Variants in ACSS2 observed in about 807,000 individuals in gnomAD.
ACSS2 encodes the protein acetyl-coenzyme A synthetase, cytoplasmic.
ACSS2 carries 58 observed loss-of-function variants against 90.6 expected under a neutral mutation model. That is an observed-to-expected ratio of 0.64 (90% CI 0.52 to 0.80). ACSS2 has a LOEUF of 0.80. ACSS2 is among the 30% of genes least tolerant of loss of function. The pLI is 0.00. For synonymous variants in ACSS2, 300 were observed against 330.9 expected (o/e 0.91, Z 1.01); for missense variants, 759 against 912.0 (o/e 0.83, Z 2.16).
At chr20:34,920,062 C>G (rs566076860) in intron 8 of ACSS2, among the ~76,000 whole-genome samples, 13 of 152,306 alleles carry the variant, frequency 8.5e-5, no homozygotes, top group African/African-American at 3.1e-4. Context: ...CACTCCACCC[C>G]TAAATTATCT....
chr20:34,894,237 C>T (rs13044142), intron 2 of ACSS2, among the ~76,000 whole-genome samples: 9,708 of 152,140 alleles, frequency 0.064, 413 homozygotes, highest in Admixed American at 0.097. Context: ...TGCCTGTAAT[C>T]CCAGAACTTT....
intron 2 of ACSS2, among the ~76,000 whole-genome samples, chr20:34,904,586 C>T (rs2080750921): frequency 6.6e-6 from 1 of 152,044 alleles, no homozygotes; most frequent in Admixed American, 6.5e-5. Flanking sequence ...ATCTGAACTA[C>T]CTAATGGTAG....
chr20:34,881,400 G>C (rs1437087111), intron 1 of ACSS2, among the ~76,000 whole-genome samples: 1 of 152,070 alleles, frequency 6.6e-6, no homozygotes, highest in African/African-American at 2.4e-5. Flanking sequence ...TGTTTTACCT[G>C]TTGAGTACAT....
intron 7 of ACSS2, chr20:34,915,394 C>A: frequency 1.1e-6 from 1 of 920,726 alleles, no homozygotes; most frequent in African/African-American, 1.6e-5. Context: ...AACTTGACAT[C>A]TAAGCCACTG....
In ACSS2 at chr20:34,920,997, A is replaced by C. The variant is rs750983718; in HGVS notation, c.1144-9A>C. ...GAAAGACTGGGAATGACCAGCCTTC[A>C]TGGGTCAGTTTGAGGGGATTCCCAC... On this transcript the variant is annotated splice_polypyrimidine_tract_variant and intron_variant, in intron 9 of 17. Transcript: ENST00000360596. 78 of 1,614,020 alleles carry C rather than the reference A, an allele frequency of 4.8e-5. No individual in the cohort carries two copies. The highest frequency in any genetic ancestry group is 6.6e-5 in the Non-Finnish European group (78 of 1,179,998).
chr20:34,922,764 A>G (rs2147102406), intron 13 of ACSS2: 1 of 155,032 alleles, frequency 6.5e-6, no homozygotes, highest in Admixed American at 6.3e-5. Flanking sequence ...TGTCCCTTCA[A>G]CCCCACCCCA....
intron 2 of ACSS2, among the ~76,000 whole-genome samples, chr20:34,895,676 A>G (rs756789914): frequency 6.6e-6 from 1 of 152,240 alleles, no homozygotes; most frequent in African/African-American, 2.4e-5. Context: ...GTTTGAGATA[A>G]GAGAGAGCTA....
intron 2 of ACSS2, among the ~76,000 whole-genome samples, chr20:34,891,461 A>G (rs747550057): frequency 7.5e-4 from 114 of 152,308 alleles, no homozygotes; most frequent in Non-Finnish European, 6.8e-4. Context: ...GATGGTAAGA[A>G]AGAGGGAGGA....
At chr20:34,877,270 C>A (rs1175186331) in intron 1 of ACSS2, among the ~76,000 whole-genome samples, 1 of 152,112 alleles carries the variant, frequency 6.6e-6, no homozygotes, top group East Asian at 1.9e-4. Flanking sequence ...TCAGCCACTG[C>A]CTCCTGAGAC....
chr20:34,927,873 TAA>T lies in ACSS2; in HGVS notation c.*660_*661del, dbSNP rs2081351899. On this transcript the variant is annotated 3_prime_UTR_variant, in exon 18 of 18. Transcript: ENST00000360596. This position sits in a 1 kb window ranked among gnomAD's most constrained non-coding sequence, Gnocchi z 4.2. ...CCTCCCCTGAACAGAACCCAGCCCA[TAA>T]GAGACATTCTCAGATGAAACTCTGT... 6.5e-6 allele frequency: 1 copy of T among 152,726 alleles called. No homozygotes were observed. The highest frequency in any genetic ancestry group is 1.5e-5 in the Non-Finnish European group (1 of 68,458). The allele number at this position is 152,726 out of a possible 1,614,324, so 9.5% of individuals were successfully genotyped here. A position where few individuals can be genotyped will look rare whatever the true frequency, so the allele number is the denominator to read the frequency against.
rs181132282 is a variant in ACSS2 at position 34,899,194 on chromosome 20, C to T, written c.375-13902C>T. The stretch of plus-strand genomic sequence containing the variant: ...CCCGCTCGGGCCTCTCCCTCCGCAC[C>T]TCCCTGCAAGCTGAGGGAGCCAGCT... On this transcript the variant is annotated intron_variant, in intron 2 of 17. Coordinates refer to ENST00000360596, the MANE Select transcript of ACSS2 (RefSeq NM_018677.4). Among the ~76,000 whole-genome samples the T allele has an allele frequency of 2.5e-3, 381 of 152,334 alleles. 10 individuals are homozygous for T. The East Asian group carries it at 0.059, about 24-fold the overall frequency.
Position 34,921,785 on chromosome 20 carries a change from G to T in ACSS2, c.1468-1G>T. On this transcript the variant is annotated splice_acceptor_variant, in intron 12 of 17. Transcript: ENST00000360596. LOFTEE classifies it high-confidence loss of function. ...GGGTTCTGTCTCCCGTTTGCTTCTA[G>T]ACTTTCCCATTCTTTGGTGTAGCTC... is the stretch of plus-strand genomic sequence containing the variant. 1.2e-6 allele frequency: 2 copies of T among 1,613,592 alleles called. No individual in the cohort carries two copies. Among genetic ancestry groups the T allele is most frequent in the Non-Finnish European group, 8.5e-7 (1 of 1,179,820 alleles).
chr20:34,909,422 A>C (rs2080893401), intron 2 of ACSS2, among the ~76,000 whole-genome samples: 1 of 152,164 alleles, frequency 6.6e-6, no homozygotes, highest in African/African-American at 2.4e-5. Context: ...AGTCTTGGTG[A>C]AGAATGATAT....
intron 7 of ACSS2, among the ~76,000 whole-genome samples, chr20:34,918,278 G>A (rs2081120421): frequency 6.6e-6 from 1 of 152,224 alleles, no homozygotes; most frequent in Non-Finnish European, 1.5e-5. Flanking sequence ...TTAAGGTAAA[G>A]TGATTTGCCC....
chr20:34,923,230 C>A, intron 13 of ACSS2, 93 bp from the exon 14 acceptor site: 1 of 933,452 alleles, frequency 1.1e-6, no homozygotes, highest in Non-Finnish European at 1.7e-6. Context: ...GTACTTCATT[C>A]AGGACACTTT....
In ACSS2 at chr20:34,882,974, A is replaced by T; in HGVS notation, c.359A>T (p.Lys120Ile). 1 of 1,602,772 alleles carries T rather than the reference A, an allele frequency of 6.2e-7. No homozygotes were observed. Residue 120 changes from lysine (K) to isoleucine (I), a missense_variant, in exon 2 of 18, where the codon AAA becomes ATA. By Grantham distance (102) the Lys-to-Ile change is moderately radical. Coordinates refer to ENST00000360596, the MANE Select transcript of ACSS2 (RefSeq NM_018677.4). ...GTCCATGAGAAAAAGCTTGGAGATAAAGTTGCTTTTTACTGGTAAAAATAT... is the reference window on the plus strand; with the variant it reads ...GTCCATGAGAAAAAGCTTGGAGATATAGTTGCTTTTTACTGGTAAAAATAT... ...RNVHEKKLGD[K>I]VAFYWEGNEP...
intron 2 of ACSS2, among the ~76,000 whole-genome samples, chr20:34,896,183 C>G (rs2080454688): frequency 6.6e-6 from 1 of 152,190 alleles, no homozygotes; most frequent in Non-Finnish European, 1.5e-5. Flanking sequence ...GCACCAAAGC[C>G]ACTTTGGCCA....
intron 2 of ACSS2, among the ~76,000 whole-genome samples, chr20:34,902,535 C>G (rs1170277423): frequency 6.6e-6 from 1 of 151,908 alleles, no homozygotes; most frequent in African/African-American, 2.4e-5. Context: ...TTCTATCAGT[C>G]AGAAGGCCAG....
intron 7 of ACSS2, 23 bp from the exon 8 acceptor site, chr20:34,919,412 T>C (rs533768203): frequency 4.5e-5 from 73 of 1,613,506 alleles, no homozygotes; most frequent in Admixed American, 8.3e-5. Flanking sequence ...CTGTTCACAG[T>C]TCTTCCCTGC....
Sources: gnomAD v4.1 joint callset for allele counts (sites outside exome capture counted in the v4.1 genomes callset) on GRCh38, gnomAD v4.1.1 for gene constraint, Gnocchi (gnomAD v3.1) non-coding constraint, MANE v1.5 for transcripts, NCBI Gene and HGNC (gene_info 2026-07-23, HGNC 2026-07-21) for gene names.